VOPP1: variants seen among roughly 807,000 people sequenced by gnomAD.
VOPP1 encodes the protein VOPP1 WW domain binding protein.
In VOPP1, 8 loss-of-function variants were observed where a neutral mutation model predicts 23.5. The observed-to-expected ratio is 0.34, with a 90% CI of 0.20 to 0.61. The LOEUF (loss-of-function observed/expected upper bound fraction) is 0.61, where lower values mean the gene tolerates loss of function less well. Ranked by LOEUF, VOPP1 falls within the 20% of genes least tolerant of loss-of-function variation. The pLI, the probability that VOPP1 is intolerant of heterozygous loss-of-function variation, is 0.78. For missense variants in VOPP1, 174 were observed against 238.1 expected (o/e 0.73, Z 1.77); for synonymous variants, 83 against 97.3 (o/e 0.85, Z 0.86).
At chr7:55,441,643 T>C (rs1351764312) in intron 4 of VOPP1, among the ~76,000 whole-genome samples, 1 of 152,172 alleles carries the variant, frequency 6.6e-6, no homozygotes, top group Admixed American at 6.5e-5. Context: ...GACAGTTTTC[T>C]AGGAAAAAAA....
intron 4 of VOPP1, among the ~76,000 whole-genome samples, chr7:55,459,137 CAT>C (rs1791439792): frequency 6.6e-6 from 1 of 151,988 alleles, no homozygotes; most frequent in African/African-American, 2.4e-5. Flanking sequence ...TTGAGATAAT[CAT>C]AAAGTTTTTT....
chr7:55,558,270 T>C (rs137913164), intron 1 of VOPP1, among the ~76,000 whole-genome samples: 1,712 of 152,174 alleles, frequency 0.011, 32 homozygotes, highest in Non-Finnish European at 0.012. Context: ...GCTTATGGCA[T>C]AAATTGTGGA....
At chr7:55,533,265 G>A (rs1427285588) in intron 1 of VOPP1, among the ~76,000 whole-genome samples, 1 of 152,182 alleles carries the variant, frequency 6.6e-6, no homozygotes, top group Non-Finnish European at 1.5e-5. Context: ...AGTGTTGTCT[G>A]TGGGTGCATG....
intron 4 of VOPP1, among the ~76,000 whole-genome samples, chr7:55,449,085 TCTG>T (rs1480546222): frequency 2.0e-5 from 3 of 152,200 alleles, no homozygotes; most frequent in Admixed American, 6.5e-5. Context: ...TGCGCCTCTC[TCTG>T]CTATGAGCAC....
At chr7:55,435,324 G>T (rs1790797364), downstream of VOPP1, among the ~76,000 whole-genome samples, 4 of 152,198 alleles carry the variant, frequency 2.6e-5, no homozygotes, top group South Asian at 8.3e-4. Context: ...AGTGTGTGTG[G>T]GCCAGCCGGG....
chr7:55,553,429 A>G (rs1797692410), intron 1 of VOPP1, among the ~76,000 whole-genome samples: 1 of 152,154 alleles, frequency 6.6e-6, no homozygotes, highest in Non-Finnish European at 1.5e-5. Context: ...CATGTTGCAG[A>G]CCCAAAGGTC....
intron 1 of VOPP1, among the ~76,000 whole-genome samples, chr7:55,540,290 C>CG (rs1166473234): frequency 1.3e-5 from 2 of 151,682 alleles, no homozygotes; most frequent in African/African-American, 4.9e-5. Context: ...CCCAGCTACC[C>CG]GGGAGACTGA....
At chr7:55,458,393 G>A (rs1339781627) in intron 4 of VOPP1, among the ~76,000 whole-genome samples, 1 of 151,384 alleles carries the variant, frequency 6.6e-6, no homozygotes, top group East Asian at 1.9e-4. Context: ...GGGTTGCTTT[G>A]GCTATTCTGA....
In VOPP1 at chr7:55,485,856, C is replaced by T. The variant is rs145321690; in HGVS notation, c.328+6426G>A. 3.3e-5 allele frequency among the ~76,000 whole-genome samples: 5 copies of T among 152,362 alleles called. No individual in the cohort carries two copies. In the East Asian group the frequency reaches 5.8e-4, roughly 18 times the overall value. On this transcript the variant is annotated intron_variant, in intron 4 of 4. Transcript: ENST00000285279. Reference sequence around the variant, plus strand: ...TCATCCGCCCCTCGGAAGGGCCGGACGCAGCCATTTCAAATATTAATACAT... The same window carrying T: ...TCATCCGCCCCTCGGAAGGGCCGGATGCAGCCATTTCAAATATTAATACAT...
chr7:55,517,728 G>A (rs971650483), intron 2 of VOPP1, among the ~76,000 whole-genome samples: 17 of 152,130 alleles, frequency 1.1e-4, no homozygotes, highest in African/African-American at 2.9e-4. Context: ...TGTAGCCGCC[G>A]TCTCTTGCTT....
intron 4 of VOPP1, among the ~76,000 whole-genome samples, chr7:55,482,629 G>A (rs1256008187): frequency 1.3e-5 from 2 of 151,916 alleles, no homozygotes; most frequent in Non-Finnish European, 2.9e-5. Flanking sequence ...GTGAGCCACC[G>A]CGTCCGGCCA....
rs752961469 is a variant in VOPP1 at position 55,521,149 on chromosome 7, A to C, written c.55-19T>G. 2 of 1,565,648 alleles carry C rather than the reference A, an allele frequency of 1.3e-6. No individual in the cohort carries two copies. Among genetic ancestry groups the C allele is most frequent in the South Asian group, 2.4e-5 (2 of 84,880 alleles). ...CTGTGCACTGCAAATAGAAGCAAGA[A>C]AAAGTTTGTCAGTACTCAGGAATCT... On this transcript the variant is annotated intron_variant, in intron 1 of 4. Transcript: ENST00000285279.
intron 4 of VOPP1, among the ~76,000 whole-genome samples, chr7:55,450,568 A>G (rs1791218188): frequency 6.6e-6 from 1 of 152,258 alleles, no homozygotes. Context: ...TTGAAATAAT[A>G]CTTTGATATA....
chr7:55,501,803 T>C (rs953431805), intron 2 of VOPP1, among the ~76,000 whole-genome samples: 2 of 152,102 alleles, frequency 1.3e-5, no homozygotes, highest in African/African-American at 4.8e-5. Flanking sequence ...TAGGGGGAAC[T>C]GGCCATGATC....
At chr7:55,512,363 T>G (rs555554153) in intron 2 of VOPP1, among the ~76,000 whole-genome samples, 1 of 151,740 alleles carries the variant, frequency 6.6e-6, no homozygotes, top group African/African-American at 2.4e-5. Flanking sequence ...AAGGCGGAGG[T>G]TGCAGTGAGC....
intron 2 of VOPP1, among the ~76,000 whole-genome samples, chr7:55,508,666 C>A (rs929138118): frequency 6.6e-6 from 1 of 152,098 alleles, no homozygotes; most frequent in Non-Finnish European, 1.5e-5. Flanking sequence ...CTATTCAAGC[C>A]TATCCTGAAA....
intron 1 of VOPP1, among the ~76,000 whole-genome samples, chr7:55,566,353 TC>T (rs1798163485): frequency 6.6e-6 from 1 of 152,000 alleles, no homozygotes. Flanking sequence ...AAATGAGTAC[TC>T]AGAGCCTGAC....
intron 2 of VOPP1, among the ~76,000 whole-genome samples, chr7:55,499,312 G>A (rs1242186896): frequency 6.6e-6 from 1 of 152,202 alleles, no homozygotes; most frequent in African/African-American, 2.4e-5. Context: ...AATTAGCTGG[G>A]CATAGTGTGT....
intron 1 of VOPP1, among the ~76,000 whole-genome samples, 200 bp from the exon 2 acceptor site, chr7:55,521,330 A>AT: frequency 6.6e-6 from 1 of 152,060 alleles, no homozygotes; most frequent in Non-Finnish European, 1.5e-5. Flanking sequence ...CTATTTTTCT[A>AT]TTTTTTCATA....
Sources: gnomAD v4.1 joint callset for allele counts (sites outside exome capture counted in the v4.1 genomes callset) on GRCh38, gnomAD v4.1.1 for gene constraint, MANE v1.5 for transcripts, NCBI Gene and HGNC (gene_info 2026-07-23, HGNC 2026-07-21) for gene names.